Variants in RAB11FIP4 observed in about 807,000 individuals in gnomAD.
RAB11FIP4 encodes the protein RAB11 family interacting protein 4.
Under a neutral mutation model 74.3 loss-of-function variants are expected in RAB11FIP4, and 23 were observed. The observed-to-expected ratio is 0.31, with a 90% CI of 0.22 to 0.44. The LOEUF is 0.44. RAB11FIP4 is among the 20% of genes least tolerant of loss of function. The pLI is 1.00. For synonymous variants in RAB11FIP4, 360 were observed against 359.9 expected, an observed-to-expected ratio of 1.00 and a Z score of 0.00; for missense variants, 630 against 863.9, an observed-to-expected ratio of 0.73 and a Z score of 3.39.
At chr17:31,464,314 G>A (rs1248990289) in intron 3 of RAB11FIP4, among the ~76,000 whole-genome samples, 1 of 151,926 alleles carries the variant, frequency 6.6e-6, no homozygotes, top group African/African-American at 2.4e-5. Flanking sequence ...ACTCATGACA[G>A]AGCAGCTGTT....
At chr17:31,524,822 C>G (rs1489061336) in intron 9 of RAB11FIP4, 1 of 541,572 alleles carries the variant, frequency 1.8e-6, no homozygotes, top group Non-Finnish European at 3.3e-6. Context: ...GGTGTGGCTG[C>G]AGGGACTGGT....
At chr17:31,406,173 A>T (rs754196958) in intron 1 of RAB11FIP4, among the ~76,000 whole-genome samples, 26 of 152,202 alleles carry the variant, frequency 1.7e-4, no homozygotes, top group Non-Finnish European at 3.2e-4. Flanking sequence ...GGTTGTCTGG[A>T]GCCAGGCTCA....
intron 3 of RAB11FIP4, among the ~76,000 whole-genome samples, chr17:31,451,275 A>G (rs908095715): frequency 2.0e-5 from 3 of 151,952 alleles, no homozygotes; most frequent in African/African-American, 7.3e-5. Context: ...CTTGGCCAAC[A>G]TGGTGAAACC....
rs545816361 is a variant in RAB11FIP4 at position 31,406,568 on chromosome 17, T to C, written c.159+14557T>C. ...TTTAATGTATTTGTTTCTGCCAGTTTGATAGGTGTGTAATGGTATTTCACA... is the reference window on the plus strand; with the variant it reads ...TTTAATGTATTTGTTTCTGCCAGTTCGATAGGTGTGTAATGGTATTTCACA... On this transcript the variant is annotated intron_variant, in intron 1 of 14. Transcript: ENST00000621161. Among the ~76,000 whole-genome samples, 63 of 152,404 alleles carry C rather than the reference T, an allele frequency of 4.1e-4. No homozygotes were observed. The South Asian group carries it at 0.013, about 31-fold the overall frequency.
rs764272339 is a variant in RAB11FIP4 at position 31,522,309 on chromosome 17, G to A, written c.894-51G>A. ...TGTCTTACAGCTAGGACAGAGTAAG[G>A]GAGTGGACTAGAACCCCTCTGTTCA... On this transcript the variant is annotated intron_variant, in intron 6 of 14. Coordinates refer to ENST00000621161, the MANE Select transcript of RAB11FIP4 (RefSeq NM_032932.6). 1.6e-5 allele frequency: 26 copies of A among 1,581,280 alleles called. No individual in the cohort carries two copies. In the South Asian group the frequency reaches 2.1e-4, roughly 13 times the overall value.
chr17:31,527,526 T>G (rs9898173), intron 10 of RAB11FIP4: 186,860 of 265,056 alleles, frequency 0.7, 66,852 homozygotes, highest in African/African-American at 0.86. Flanking sequence ...GCTGAAGGAG[T>G]TAGAGGTTGC....
At chr17:31,402,197 C>CCATCCATCCATG (rs1376134667) in intron 1 of RAB11FIP4, among the ~76,000 whole-genome samples, 1 of 52,260 alleles carries the variant, frequency 1.9e-5, no homozygotes, top group Non-Finnish European at 9.6e-5. Flanking sequence ...ATGCATCCAT[C>CCATCCATCCATG]CATCCATCCA....
At chr17:31,505,615 T>A in intron 3 of RAB11FIP4, among the ~76,000 whole-genome samples, 1 of 37,258 alleles carries the variant, frequency 2.7e-5, no homozygotes, top group African/African-American at 1.0e-4. Context: ...AATAATTATA[T>A]ATAATATATA....
rs1036385497 is a variant in RAB11FIP4 at position 31,537,283 on chromosome 17, G to A, written c.*5551G>A. ...TCCCCCAGGTGAGGCCAGCTCTCCC[G>A]GGCACATTCGTCCACAAGGATCAGG... On this transcript the variant is annotated 3_prime_UTR_variant, in exon 15 of 15. Transcript: ENST00000621161. 23 of 398,602 alleles carry A rather than the reference G, an allele frequency of 5.8e-5. No individual in the cohort carries two copies. The highest frequency in any genetic ancestry group is 4.0e-4 in the South Asian group (3 of 7,476). 24.7% of individuals were successfully genotyped at this position (398,602 alleles called of 1,614,324 possible).
rs1158172873 is a variant in RAB11FIP4, at chr17:31,503,649, G to A, written c.337-14002G>A. On this transcript the variant is annotated intron_variant, in intron 3 of 14. Coordinates refer to ENST00000621161, the MANE Select transcript of RAB11FIP4 (RefSeq NM_032932.6). ...GACTGTGAATGGTCTTTTAGAGGCC[G>A]GATCATTCTTATGACCTCAGCCATC... is the stretch of plus-strand genomic sequence containing the variant. Among the ~76,000 whole-genome samples, 3 of 149,624 alleles carry A rather than the reference G, an allele frequency of 2.0e-5. 1 individual carries two copies. The highest frequency in any genetic ancestry group is 7.7e-5 in the African/African-American group (3 of 38,980).
chr17:31,523,428 G>T (rs2072704934), intron 7 of RAB11FIP4, 84 bp from the exon 8 acceptor site: 1 of 1,093,886 alleles, frequency 9.1e-7, no homozygotes, highest in African/African-American at 1.5e-5. Flanking sequence ...CTGGGGTACT[G>T]GATGCTCGCC....
intron 3 of RAB11FIP4, among the ~76,000 whole-genome samples, chr17:31,458,943 G>T (rs1459534693): frequency 2.0e-5 from 3 of 152,144 alleles, no homozygotes; most frequent in African/African-American, 7.2e-5. Flanking sequence ...GTGTGAATCT[G>T]GTCCCTCTAT....
intron 1 of RAB11FIP4, among the ~76,000 whole-genome samples, chr17:31,399,425 A>G (rs1330390583): frequency 2.0e-5 from 3 of 152,116 alleles, no homozygotes; most frequent in Admixed American, 6.6e-5. Context: ...AAAATTTTTT[A>G]TTCTAGGCCA....
At chr17:31,490,080 T>C (rs1054455006) in intron 3 of RAB11FIP4, among the ~76,000 whole-genome samples, 2 of 152,038 alleles carry the variant, frequency 1.3e-5, no homozygotes, top group Non-Finnish European at 2.9e-5. Context: ...CTAAGCCACC[T>C]CCTTTGGGGT....
chr17:31,530,431 T>A lies in RAB11FIP4; in HGVS notation c.1759T>A (p.Ser587Thr). 1 of 1,614,074 alleles carries A rather than the reference T, an allele frequency of 6.2e-7. No individual in the cohort carries two copies. Among genetic ancestry groups the A allele is most frequent in the Non-Finnish European group, 8.5e-7 (1 of 1,179,978 alleles). ...NLFAAQTKAQSLAAEIDTASR... is the reference protein window; with the variant it reads ...NLFAAQTKAQTLAAEIDTASR... ...CTTTGCTGCCCAGACTAAAGCCCAG[T>A]CTCTGGCTGCGGAGATAGACACCGC... The change falls in exon 14 of 15, where the codon TCT (serine) becomes ACT (threonine). Residue 587 changes from serine (S) to threonine (T), a missense_variant. Ser to Thr is a moderately conservative substitution (Grantham distance 58). Transcript: ENST00000621161.
At chr17:31,448,421 C>CGG (rs1567659542) in intron 3 of RAB11FIP4, 1 of 40,942 alleles carries the variant, frequency 2.4e-5, no homozygotes, top group East Asian at 8.5e-4. Context: ...TGGCAGAGAC[C>CGG]GGGTCTAGCT....
At chr17:31,496,608 C>T (rs891826896) in intron 3 of RAB11FIP4, among the ~76,000 whole-genome samples, 3 of 152,256 alleles carry the variant, frequency 2.0e-5, no homozygotes, top group Non-Finnish European at 2.9e-5. Context: ...TTTCAAATCT[C>T]TCCTCTCCCT....
chr17:31,430,249 G>A (rs1188171365), intron 1 of RAB11FIP4, among the ~76,000 whole-genome samples: 2 of 152,116 alleles, frequency 1.3e-5, no homozygotes, highest in Non-Finnish European at 2.9e-5. Flanking sequence ...CTGACCAAAG[G>A]CCAGTGCAGC....
chr17:31,415,937 C>T (rs980239967), intron 1 of RAB11FIP4, among the ~76,000 whole-genome samples: 6 of 152,194 alleles, frequency 3.9e-5, no homozygotes, highest in African/African-American at 1.4e-4. Flanking sequence ...CACTCTGCAG[C>T]CTCTGATGTC....
Sources: gnomAD v4.1 joint callset for allele counts (sites outside exome capture counted in the v4.1 genomes callset) on GRCh38, gnomAD v4.1.1 for gene constraint, MANE v1.5 for transcripts, NCBI Gene and HGNC (gene_info 2026-07-23, HGNC 2026-07-21) for gene names.